The following TRIOBP variants were observed in gnomAD, a reference collection of about 807,000 sequenced individuals.
TRIOBP encodes the protein TRIO and F-actin-binding protein.
TRIOBP carries 169 observed loss-of-function variants against 238.8 expected under a neutral mutation model. The observed-to-expected ratio is 0.71, with a 90% CI of 0.62 to 0.80. TRIOBP has a LOEUF of 0.80. Ranked by LOEUF, TRIOBP falls within the 30% of genes least tolerant of loss-of-function variation. The probability of loss-of-function intolerance (pLI) is 0.00; values close to 1 mark genes in which losing one functional copy is unlikely to be tolerated. For missense variants in TRIOBP, 2,838 were observed against 3,122.6 expected, an observed-to-expected ratio of 0.91 and a Z score of 2.17; for synonymous variants, 1,150 against 1,274.4, an observed-to-expected ratio of 0.90 and a Z score of 2.08.
At chr22:37,712,573 G>T (rs1286716212) in intron 4 of TRIOBP, among the ~76,000 whole-genome samples, 3 of 151,900 alleles carry the variant, frequency 2.0e-5, no homozygotes, top group Non-Finnish European at 2.9e-5. Flanking sequence ...GACCTCAGGT[G>T]ATCCACCCAC....
At chr22:37,705,562 G>C (rs1024685621) in intron 3 of TRIOBP, among the ~76,000 whole-genome samples, 3 of 151,740 alleles carry the variant, frequency 2.0e-5, no homozygotes, top group Admixed American at 6.6e-5. Flanking sequence ...AGGATTCTGA[G>C]GTTTTTTTCT....
In TRIOBP at chr22:37,698,318, G is replaced by A. The variant is rs138749451; in HGVS notation, c.-61+622G>A. ...AGGATTACTTGAGGTCAGGAGTTCA[G>A]GAGTTCAAAACCAGCCTGGGTAACA... On this transcript the variant is annotated intron_variant, in intron 2 of 23. Transcript: ENST00000644935. 3.4e-3 allele frequency among the ~76,000 whole-genome samples: 513 copies of A among 149,292 alleles called. 3 individuals carry two copies. Among genetic ancestry groups the A allele is most frequent in the African/African-American group, 0.012 (484 of 40,702 alleles).
In TRIOBP at chr22:37,723,323, C is replaced by A. The variant is rs147645357; in HGVS notation, c.767C>A (p.Thr256Lys). 3 of 1,614,016 alleles carry A rather than the reference C, an allele frequency of 1.9e-6. No homozygotes were observed. Among genetic ancestry groups the A allele is most frequent in the African/African-American group, 2.7e-5 (2 of 74,914 alleles). ...MTPHSGPRST[T>K]SQASPAQRDT... ...CCACACAGTGGACCTCGAAGCACCA[C>A]GTCTCAGGCTTCTCCTGCCCAAAGG... The change falls in exon 7 of 24, where the codon ACG becomes AAG. Residue 256 changes from threonine (T) to lysine (K), a missense_variant. Thr to Lys is a moderately conservative substitution (Grantham distance 78). Coordinates refer to ENST00000644935, the MANE Select transcript of TRIOBP (RefSeq NM_001039141.3).
chr22:37,762,294 GGGCTCAAGT>G (rs1926284672), intron 17 of TRIOBP, among the ~76,000 whole-genome samples: 2 of 152,150 alleles, frequency 1.3e-5, no homozygotes, highest in Admixed American at 1.3e-4. Flanking sequence ...TTGAACTCCT[GGGCTCAAGT>G]GCTTCTCTCA....
In TRIOBP at chr22:37,771,664, AAAAG is replaced by A; in HGVS notation, c.6868_6871del (p.Glu2290ThrfsTer6). 3.7e-6 allele frequency: 6 copies of A among 1,614,078 alleles called. No individual in the cohort carries two copies. The highest frequency in any genetic ancestry group is 4.2e-6 in the Non-Finnish European group (5 of 1,179,990). On this transcript the variant is annotated frameshift_variant, in exon 22 of 24. Transcript: ENST00000644935. LOFTEE classifies it high-confidence loss of function. Reference sequence around the variant, plus strand: ...TATATCCCCAGGTGCTGCTTCGCGTAAAAGAAAACGAACTCCAGTACCTAAAGAA... The same window carrying A: ...TATATCCCCAGGTGCTGCTTCGCGTAAAAACGAACTCCAGTACCTAAAGAA...
chr22:37,737,543 C>T (rs1265376386), intron 9 of TRIOBP, among the ~76,000 whole-genome samples: 1 of 151,862 alleles, frequency 6.6e-6, no homozygotes, highest in Non-Finnish European at 1.5e-5. Flanking sequence ...TGCCTGTAGT[C>T]CCAGCTACTT....
intron 17 of TRIOBP, among the ~76,000 whole-genome samples, chr22:37,764,322 G>A (rs762129162): frequency 1.4e-4 from 22 of 152,306 alleles, no homozygotes; most frequent in Non-Finnish European, 2.4e-4. Flanking sequence ...CACTGGGACG[G>A]ACAGGTCTGC....
Position 37,751,822 on chromosome 22 carries a change from T to C in TRIOBP, c.5373T>C (p.Pro1791=), listed in dbSNP as rs376385866. The part of the protein sequence containing the change: ...KKGWMSILDE[P]GEPPSPSLTT... Reference sequence around the variant, plus strand: ...GATGGATGTCGATCTTGGACGAGCCTGGAGAGGTAAGAGGACTGAGGCCGG... The same window carrying C: ...GATGGATGTCGATCTTGGACGAGCCCGGAGAGGTAAGAGGACTGAGGCCGG... Residue 1791 remains proline, a synonymous_variant, in exon 12 of 24, where the codon CCT becomes CCC. Transcript: ENST00000644935. The C allele has an allele frequency of 9.2e-5, 149 of 1,611,598 alleles. No individual in the cohort carries two copies. Among genetic ancestry groups the C allele is most frequent in the Non-Finnish European group, 1.2e-4 (138 of 1,179,108 alleles).
intron 18 of TRIOBP, among the ~76,000 whole-genome samples, chr22:37,767,724 G>A (rs952650476): frequency 2.0e-5 from 3 of 152,112 alleles, no homozygotes; most frequent in Non-Finnish European, 2.9e-5. Context: ...GGGTGTACTA[G>A]GTGGGGTCCT....
intron 6 of TRIOBP, among the ~76,000 whole-genome samples, chr22:37,720,398 G>A (rs1373337736): frequency 6.6e-6 from 1 of 152,100 alleles, no homozygotes; most frequent in African/African-American, 2.4e-5. Context: ...TCTGTTCCAG[G>A]ATCCATTCCA....
In TRIOBP at chr22:37,755,603, C is replaced by T. The variant is rs1925877957; in HGVS notation, c.5631C>T (p.Asn1877=). The T allele has an allele frequency of 7.4e-6, 12 of 1,614,130 alleles. No homozygotes were observed. The highest frequency in any genetic ancestry group is 2.7e-5 in the African/African-American group (2 of 75,042). The change falls in exon 15 of 24, where the codon AAC becomes AAT. Residue 1877 remains asparagine, a synonymous_variant. Transcript: ENST00000644935. ...CCATGACCTCAGGCATCCGGCGGAA[C>T]TGGATCGAGGCTCTGAGAAAGACCG... ...LSAMTSGIRR[N]WIEALRKTVR...
At chr22:37,772,923 A>T (rs1484586106) in intron 23 of TRIOBP, among the ~76,000 whole-genome samples, 159 bp downstream of exon 23, 1 of 152,186 alleles carries the variant, frequency 6.6e-6, no homozygotes, top group Non-Finnish European at 1.5e-5. Flanking sequence ...GGGTTGTTGC[A>T]GAGATCCCAT....
At chr22:37,728,786 T>C (rs1924295257) in intron 7 of TRIOBP, among the ~76,000 whole-genome samples, 1 of 152,184 alleles carries the variant, frequency 6.6e-6, no homozygotes, top group Non-Finnish European at 1.5e-5. Context: ...GAACCTACAC[T>C]ATGAAATCAC....
At chr22:37,700,299 C>A (rs1437995831) in intron 2 of TRIOBP, among the ~76,000 whole-genome samples, 1 of 138,578 alleles carries the variant, frequency 7.2e-6, no homozygotes, top group Non-Finnish European at 1.5e-5. Flanking sequence ...TGTGGTCTTG[C>A]TATGTTGCCT....
intron 2 of TRIOBP, among the ~76,000 whole-genome samples, chr22:37,698,503 G>C (rs1452040079): frequency 6.6e-6 from 1 of 150,992 alleles, no homozygotes; most frequent in Admixed American, 6.6e-5. Flanking sequence ...ACAGGCATGC[G>C]CACCACGCCC....
intron 11 of TRIOBP, among the ~76,000 whole-genome samples, chr22:37,743,800 A>AGTGTGTGTGT (rs1238130911): frequency 5.4e-5 from 3 of 55,336 alleles, no homozygotes; most frequent in Non-Finnish European, 7.4e-5. Flanking sequence ...AGAGAGAGAG[A>AGTGTGTGTGT]ATGTGTGTGT....
chr22:37,771,817 C>G, intron 22 of TRIOBP, 81 bp downstream of exon 22: 1 of 1,269,012 alleles, frequency 7.9e-7, no homozygotes, highest in Non-Finnish European at 1.1e-6. Flanking sequence ...TGCTCTGTGC[C>G]AAGCCCTCCA....
intron 9 of TRIOBP, among the ~76,000 whole-genome samples, chr22:37,735,853 C>A (rs749557084): frequency 6.6e-6 from 1 of 152,236 alleles, no homozygotes; most frequent in African/African-American, 2.4e-5. Context: ...GGCCTATTCC[C>A]CTCCTGGCTC....
At chr22:37,741,826 G>A (rs961520833) in intron 11 of TRIOBP, among the ~76,000 whole-genome samples, 4 of 152,148 alleles carry the variant, frequency 2.6e-5, no homozygotes, top group East Asian at 3.8e-4. Context: ...ACTGAGCCTC[G>A]GTTGCCACAT....
Sources: gnomAD v4.1 joint callset for allele counts (sites outside exome capture counted in the v4.1 genomes callset) on GRCh38, gnomAD v4.1.1 for gene constraint, MANE v1.5 for transcripts, NCBI Gene and HGNC (gene_info 2026-07-23, HGNC 2026-07-21) for gene names.